The following ZNF589 variants were observed in gnomAD, a reference collection of about 807,000 sequenced individuals.
The protein encoded by ZNF589 is zinc finger protein 589.
Under a neutral mutation model 13.6 loss-of-function variants are expected in ZNF589, and 17 were observed. That is an observed-to-expected ratio of 1.25 (90% CI 0.86 to 1.88). The LOEUF (loss-of-function observed/expected upper bound fraction) is 1.88. ZNF589 is among the 40% of genes most tolerant of loss of function. ZNF589 has a pLI of 0.00. For synonymous variants in ZNF589, 148 were observed against 161.6 expected (o/e 0.92, Z 0.64); for missense variants, 407 against 434.0 (o/e 0.94, Z 0.55).
intron 3 of ZNF589, among the ~76,000 whole-genome samples, chr3:48,265,866 TTAA>T (rs1482408814): frequency 6.6e-6 from 1 of 151,964 alleles, no homozygotes. Context: ...ATTATTATCC[TTAA>T]TAATAATAAT....
chr3:48,247,074 G>A (rs1036632443), intron 1 of ZNF589, among the ~76,000 whole-genome samples: 3 of 150,904 alleles, frequency 2.0e-5, no homozygotes, highest in South Asian at 2.1e-4. Flanking sequence ...GGGTTCAAGC[G>A]ATTCTCCTGC....
intron 2 of ZNF589, among the ~76,000 whole-genome samples, chr3:48,257,250 T>C (rs1338973449): frequency 7.2e-6 from 1 of 139,192 alleles, no homozygotes; most frequent in Non-Finnish European, 1.5e-5. Flanking sequence ...TTGTTTTTGT[T>C]TTTGTTTTGT....
intron 3 of ZNF589, among the ~76,000 whole-genome samples, chr3:48,266,198 A>G (rs1170590667): frequency 1.3e-5 from 2 of 152,206 alleles, no homozygotes; most frequent in African/African-American, 4.8e-5. Flanking sequence ...AGTGAGAATT[A>G]AGCCCCCTGA....
At chr3:48,261,653 G>C (rs1233117469) in intron 3 of ZNF589, among the ~76,000 whole-genome samples, 2 of 152,204 alleles carry the variant, frequency 1.3e-5, no homozygotes, top group Non-Finnish European at 2.9e-5. Flanking sequence ...CTGAGTTCTT[G>C]ATGAGAGTCA....
intron 2 of ZNF589, among the ~76,000 whole-genome samples, chr3:48,251,102 C>G (rs371763958): frequency 6.6e-6 from 1 of 152,096 alleles, no homozygotes; most frequent in Non-Finnish European, 1.5e-5. Context: ...GTTCCATTCT[C>G]CCTGTGAATC....
rs113116343 is a variant in ZNF589 at position 48,250,005 on chromosome 3, A to G, written c.96+2328A>G. The stretch of plus-strand genomic sequence containing the variant: ...TAGCTGTGTGTGGTGGCGGGTGCCT[A>G]TAATCCCAGTTACTCAGGAGGCTGA... On this transcript the variant is annotated intron_variant, in intron 2 of 3. Coordinates refer to ENST00000354698, the MANE Select transcript of ZNF589 (RefSeq NM_016089.3). 2.1e-3 allele frequency among the ~76,000 whole-genome samples: 326 copies of G among 152,054 alleles called. 3 individuals are homozygous for G. The highest frequency in any genetic ancestry group is 7.1e-3 in the African/African-American group (293 of 41,476).
intron 2 of ZNF589, among the ~76,000 whole-genome samples, chr3:48,249,466 C>CTTCA (rs1422662420): frequency 6.6e-6 from 1 of 152,176 alleles, no homozygotes; most frequent in Admixed American, 6.6e-5. Flanking sequence ...CCTCTGAATA[C>CTTCA]TTCAGCATGC....
At position 48,268,940 on chromosome 3, in the gene ZNF589, G is replaced by T; in HGVS notation, c.*154G>T. ...GACACATTCAGAGGTGAAACCTCAC[G>T]TGTGTGAGGAGTGTGGGCATGGATT... On this transcript the variant is annotated 3_prime_UTR_variant, in exon 4 of 4. Coordinates refer to ENST00000354698, the MANE Select transcript of ZNF589 (RefSeq NM_016089.3). 9.0e-7 allele frequency: 1 copy of T among 1,113,562 alleles called. No homozygotes were observed. Among genetic ancestry groups the T allele is most frequent in the Non-Finnish European group, 1.3e-6 (1 of 774,832 alleles). 69.0% of individuals were successfully genotyped at this position (1,113,562 alleles called of 1,614,324 possible). A position where few individuals can be genotyped will look rare whatever the true frequency, so the allele number is the denominator to read the frequency against.
intron 2 of ZNF589, among the ~76,000 whole-genome samples, chr3:48,248,776 T>C (rs754251376): frequency 2.6e-5 from 4 of 152,178 alleles, no homozygotes; most frequent in Non-Finnish European, 5.9e-5. Context: ...AAAGACTAAG[T>C]GTTAGCCTGT....
rs201269947 is a variant in ZNF589 at position 48,260,896 on chromosome 3, C to T, written c.180C>T (p.Tyr60=). 12 of 1,614,040 alleles carry T rather than the reference C, an allele frequency of 7.4e-6. No homozygotes were observed. In the African/African-American group the frequency reaches 1.2e-4, roughly 16 times the overall value. ...TGAGCCTTGAGCAGAGGAACCTATA[C>T]AAAGAAGTGATGCTGGAAAATCTCA... ...KRLSLEQRNL[Y]KEVMLENLRN... The change falls in exon 3 of 4, where the codon TAC becomes TAT. Residue 60 remains tyrosine (Y), a synonymous_variant. Coordinates refer to ENST00000354698, the MANE Select transcript of ZNF589 (RefSeq NM_016089.3).
intron 1 of ZNF589, among the ~76,000 whole-genome samples, chr3:48,243,548 A>G (rs776567077): frequency 5.3e-5 from 8 of 151,782 alleles, no homozygotes; most frequent in Non-Finnish European, 7.4e-5. Context: ...GCGGTGACTC[A>G]CGTTTGTAAT....
intron 3 of ZNF589, among the ~76,000 whole-genome samples, chr3:48,266,637 C>T (rs1172259346): frequency 6.6e-6 from 1 of 152,210 alleles, no homozygotes; most frequent in Non-Finnish European, 1.5e-5. Context: ...CAAGACTAGC[C>T]TGGGCAACAT....
At chr3:48,245,120 C>CT (rs913867448) in intron 1 of ZNF589, among the ~76,000 whole-genome samples, 1 of 151,880 alleles carries the variant, frequency 6.6e-6, no homozygotes, top group African/African-American at 2.4e-5. Context: ...TTATATGTAT[C>CT]TTTTCAGAGA....
rs1425552980 is a variant in ZNF589 at position 48,241,200 on chromosome 3, G to A, written c.29G>A (p.Gly10Asp). ...TGGGCCCCGCGGGAGCAGCTACTGG[G>A]CTGGACTGCGGAAGGTGAGTCGGGG... MWAPREQLL[G>D]WTAEALPAKD... is the part of the protein sequence containing the mutation. The change falls in exon 1 of 4, where the codon GGC becomes GAC. Residue 10 changes from glycine to aspartate, a missense_variant. Physicochemically the swap from Gly to Asp is moderately conservative, Grantham distance 94. Coordinates refer to ENST00000354698, the MANE Select transcript of ZNF589 (RefSeq NM_016089.3). 6 of 1,613,072 alleles carry A rather than the reference G, an allele frequency of 3.7e-6. No individual in the cohort carries two copies. Among genetic ancestry groups the A allele is most frequent in the African/African-American group, 1.3e-5 (1 of 74,924 alleles).
chr3:48,250,506 CTGT>C (rs1559980182), intron 2 of ZNF589, among the ~76,000 whole-genome samples: 2 of 151,686 alleles, frequency 1.3e-5, no homozygotes, highest in Admixed American at 6.6e-5. Flanking sequence ...GAATCTCCCT[CTGT>C]TGCCCACGCT....
Position 48,268,022 on chromosome 3 carries a change from C to T in ZNF589, c.331C>T (p.His111Tyr), listed in dbSNP as rs1575296540. The change falls in exon 4 of 4, where the codon CAT (histidine) becomes TAT (tyrosine). Residue 111 changes from histidine to tyrosine, a missense_variant. Coordinates refer to ENST00000354698, the MANE Select transcript of ZNF589 (RefSeq NM_016089.3). ...ELHNHPIPGF[H>Y]AGNQLHPGNP... Reference sequence around the variant, plus strand: ...ACACAATCATCCTATTCCAGGTTTCCATGCAGGAAATCAACTCCACCCAGG... The same window carrying T: ...ACACAATCATCCTATTCCAGGTTTCTATGCAGGAAATCAACTCCACCCAGG... 6.2e-7 allele frequency: 1 copy of T among 1,614,064 alleles called. No individual in the cohort carries two copies. The highest frequency in any genetic ancestry group is 2.2e-5 in the East Asian group (1 of 44,894).
At chr3:48,261,159 A>G (rs974201322) in intron 3 of ZNF589, among the ~76,000 whole-genome samples, 10 of 152,188 alleles carry the variant, frequency 6.6e-5, no homozygotes, top group African/African-American at 2.4e-4. Context: ...TAAGTGCTAC[A>G]TAGCTAAAAA....
At position 48,268,227 on chromosome 3, in the gene ZNF589, G is replaced by A. The variant is rs778327070; in HGVS notation, c.536G>A (p.Trp179Ter). 3.1e-6 allele frequency: 5 copies of A among 1,605,986 alleles called. No individual in the cohort carries two copies. The highest frequency in any genetic ancestry group is 4.3e-6 in the Non-Finnish European group (5 of 1,175,630). The change falls in exon 4 of 4, where the codon TGG becomes TAG. Residue 179 changes from tryptophan to a stop codon, truncating the protein, a stop_gained. Transcript: ENST00000354698. LOFTEE classifies it low-confidence loss of function (END_TRUNC). The part of the protein sequence containing the change: ...SLFQRPPISS[W>*]GGNRILEIQL... ...TTCCAGAGACCACCAATAAGCTCTTGGGGAGGCAACAGAATATTAGAGATA... is the reference window on the plus strand; with the variant it reads ...TTCCAGAGACCACCAATAAGCTCTTAGGGAGGCAACAGAATATTAGAGATA...
chr3:48,261,012 T>C (rs1476500888), intron 3 of ZNF589, 73 bp downstream of exon 3: 1 of 1,518,850 alleles, frequency 6.6e-7, no homozygotes, highest in African/African-American at 1.4e-5. Context: ...CCAGCCAATG[T>C]TTTAATCTCT....
Sources: allele counts gnomAD v4.1 joint callset (sites outside exome capture counted in the v4.1 genomes callset), GRCh38; gene constraint gnomAD v4.1.1; transcripts MANE v1.5; gene names NCBI Gene and HGNC (gene_info 2026-07-23, HGNC 2026-07-21).